Variants in DGKD observed in about 807,000 individuals in gnomAD.
DGKD encodes diacylglycerol kinase delta.
DGKD carries 68 observed loss-of-function variants against 154.4 expected under a neutral mutation model. That is an observed-to-expected ratio of 0.44 (90% CI 0.36 to 0.54). The LOEUF (loss-of-function observed/expected upper bound fraction) is 0.54. DGKD is among the 20% of genes least tolerant of loss of function. DGKD has a pLI of 0.00. For synonymous variants in DGKD, 693 were observed against 638.0 expected, an observed-to-expected ratio of 1.09 and a Z score of -1.30; for missense variants, 1,343 against 1,593.6, an observed-to-expected ratio of 0.84 and a Z score of 2.68.
At position 233,354,590 on chromosome 2, in the gene DGKD, G is replaced by C. The variant is rs980873932; in HGVS notation, c.72G>C (p.Ser24=). 13 of 1,113,442 alleles carry C rather than the reference G, an allele frequency of 1.2e-5. No individual in the cohort carries two copies. Among genetic ancestry groups the C allele is most frequent in the Non-Finnish European group, 1.3e-5 (12 of 895,974 alleles). 69.0% of individuals were successfully genotyped at this position (1,113,442 alleles called of 1,614,324 possible). ...QPPPPPPPEE[S]SDSEPEAEPG... ...CTCCGCCGCCGCCGCCCGAGGAGTC[G>C]TCCGACAGCGAGCCCGAGGCGGAGC... The change falls in exon 1 of 30, where the codon TCG becomes TCC. Residue 24 remains serine, a synonymous_variant. Transcript: ENST00000264057. The surrounding 1 kb of genome is among the most constrained non-coding windows in gnomAD (Gnocchi z 4.8).
intron 3 of DGKD, among the ~76,000 whole-genome samples, chr2:233,430,565 T>C (rs1392339987): frequency 1.3e-5 from 2 of 152,228 alleles, no homozygotes; most frequent in African/African-American, 4.8e-5. Flanking sequence ...CTCTCTCTCT[T>C]TTTTGGTAAA....
At chr2:233,436,714 G>A (rs1009569127) in intron 7 of DGKD, among the ~76,000 whole-genome samples, 4 of 152,268 alleles carry the variant, frequency 2.6e-5, no homozygotes, top group Admixed American at 6.5e-5. Flanking sequence ...CACTGTAGCC[G>A]GGTTGTGAGG....
chr2:233,449,428 G>A lies in DGKD; in HGVS notation c.1888+52G>A. ...CTTTCCTCAGGCCAGCACTGGGCAT[G>A]CCCAGCGTCCCCTGAACACGGAGAT... is the stretch of plus-strand genomic sequence containing the variant. On this transcript the variant is annotated intron_variant, in intron 15 of 29. Coordinates refer to ENST00000264057, the MANE Select transcript of DGKD (RefSeq NM_152879.3). The surrounding 1 kb of genome is among the most constrained non-coding windows in gnomAD (Gnocchi z 5.3). 1 of 1,547,184 alleles carries A rather than the reference G, an allele frequency of 6.5e-7. No individual in the cohort carries two copies.
intron 18 of DGKD, among the ~76,000 whole-genome samples, chr2:233,453,446 G>C (rs1455335745): frequency 6.6e-6 from 1 of 152,154 alleles, no homozygotes; most frequent in Non-Finnish European, 1.5e-5. Flanking sequence ...TCTTCCCCCT[G>C]GTAAACAGTT....
chr2:233,462,650 A>C lies in DGKD; in HGVS notation c.3101A>C (p.Asn1034Thr). The C allele has an allele frequency of 6.2e-7, 1 of 1,614,036 alleles. No homozygotes were observed. The highest frequency in any genetic ancestry group is 8.5e-7 in the Non-Finnish European group (1 of 1,179,956). ...YGKPRTTEGL[N>T]CSFVLEMVNN... The stretch of plus-strand genomic sequence containing the variant: ...TTGCCTGGTTTCTTCTAGGGGCTCA[A>C]CTGCAGCTTCGTCCTGGAAATGGTG... Residue 1034 changes from asparagine (N) to threonine (T), a missense_variant, in exon 26 of 30, where the codon AAC becomes ACC. Asn to Thr is a moderately conservative substitution (Grantham distance 65). Coordinates refer to ENST00000264057, the MANE Select transcript of DGKD (RefSeq NM_152879.3).
At chr2:233,418,399 A>G (rs1219292696) in intron 3 of DGKD, among the ~76,000 whole-genome samples, 1 of 152,206 alleles carries the variant, frequency 6.6e-6, no homozygotes, top group Non-Finnish European at 1.5e-5. Context: ...TAGTTTTCTC[A>G]CAGTTGAACA....
At chr2:233,391,320 A>G (rs1703595561) in intron 3 of DGKD, among the ~76,000 whole-genome samples, 1 of 152,090 alleles carries the variant, frequency 6.6e-6, no homozygotes, top group African/African-American at 2.4e-5. Context: ...CTTACTCTAC[A>G]GTGTTTATCT....
intron 18 of DGKD, among the ~76,000 whole-genome samples, chr2:233,453,302 C>G (rs2063346710): frequency 6.6e-6 from 1 of 152,136 alleles, no homozygotes; most frequent in Non-Finnish European, 1.5e-5. Flanking sequence ...TCCCACTGCC[C>G]CAGCCACTGC....
chr2:233,459,301 G>A lies in DGKD; in HGVS notation c.2695-456G>A, dbSNP rs1448873647. ...GCACTCTGTCTACCCTTAGCTGTAG[G>A]CTGCTTGAAGTTCACAATTTTCACT... On this transcript the variant is annotated intron_variant, in intron 22 of 29. Transcript: ENST00000264057. The surrounding 1 kb of genome is among the most constrained non-coding windows in gnomAD (Gnocchi z 5.7). Among the ~76,000 whole-genome samples, 1 of 152,162 alleles carries A rather than the reference G, an allele frequency of 6.6e-6. No individual in the cohort carries two copies. The highest frequency in any genetic ancestry group is 2.4e-5 in the African/African-American group (1 of 41,454).
intron 1 of DGKD, among the ~76,000 whole-genome samples, chr2:233,375,370 C>T (rs1018345767): frequency 4.6e-5 from 7 of 151,806 alleles, no homozygotes; most frequent in South Asian, 2.1e-4. Flanking sequence ...TAGGTGTTAG[C>T]GTGGCTGGGC....
Position 233,462,336 on chromosome 2 carries a change from C to T in DGKD, c.2982-12C>T, listed in dbSNP as rs374163573. 1.3e-6 allele frequency: 2 copies of T among 1,590,630 alleles called. No individual in the cohort carries two copies. Among genetic ancestry groups the T allele is most frequent in the East Asian group, 2.3e-5 (1 of 44,212 alleles). On this transcript the variant is annotated splice_polypyrimidine_tract_variant and intron_variant, in intron 24 of 29. Transcript: ENST00000264057. ...TGGCCTGACATCTGCCCGTGCTTCT[C>T]TTCCTCTCTAGTATCCGAGAAATAG...
intron 18 of DGKD, chr2:233,454,246 A>T (rs2063382135): frequency 2.6e-6 from 1 of 379,358 alleles, no homozygotes; most frequent in Non-Finnish European, 5.4e-6. Context: ...GCTGATGAGC[A>T]GGTCAATAGA....
intron 26 of DGKD, 24 bp downstream of exon 26, chr2:233,462,759 C>T: frequency 6.2e-7 from 1 of 1,601,828 alleles, no homozygotes; most frequent in Non-Finnish European, 8.5e-7. Flanking sequence ...CCAGGGACAG[C>T]AGGGCTCGGG....
rs1306536739 is a variant in DGKD at position 233,459,026 on chromosome 2, G to A, written c.2694+629G>A. On this transcript the variant is annotated intron_variant, in intron 22 of 29. Transcript: ENST00000264057. The surrounding 1 kb of genome is among the most constrained non-coding windows in gnomAD (Gnocchi z 5.7). Reference sequence around the variant, plus strand: ...CAGCTGTCAAAGCCGCAGTGGGGACGGAGCCCATGGCTCTGATGTGGGGTG... The same window carrying A: ...CAGCTGTCAAAGCCGCAGTGGGGACAGAGCCCATGGCTCTGATGTGGGGTG... Among the ~76,000 whole-genome samples the A allele has an allele frequency of 6.6e-6, 1 of 152,244 alleles. No individual in the cohort carries two copies. The highest frequency in any genetic ancestry group is 2.4e-5 in the African/African-American group (1 of 41,460).
At chr2:233,448,922 G>C (rs766926402) in intron 14 of DGKD, among the ~76,000 whole-genome samples, 181 bp from the exon 15 acceptor site, 1 of 152,208 alleles carries the variant, frequency 6.6e-6, no homozygotes, top group African/African-American at 2.4e-5. Context: ...CTGCCAGGGC[G>C]GGAAAGGTGG....
intron 1 of DGKD, among the ~76,000 whole-genome samples, chr2:233,356,584 TG>T (rs1244599589): frequency 6.6e-6 from 1 of 152,180 alleles, no homozygotes; most frequent in Non-Finnish European, 1.5e-5. Flanking sequence ...AGAATTTTGT[TG>T]GTTAGGAGGT....
chr2:233,391,541 A>G (rs1703619756), intron 3 of DGKD, among the ~76,000 whole-genome samples: 1 of 152,194 alleles, frequency 6.6e-6, no homozygotes, highest in Non-Finnish European at 1.5e-5. Flanking sequence ...GGCTGACTTT[A>G]GCGCCTGCCT....
Position 233,458,724 on chromosome 2 carries a change from G to T in DGKD, c.2694+327G>T, listed in dbSNP as rs930816055. Among the ~76,000 whole-genome samples the T allele has an allele frequency of 6.6e-6, 1 of 150,942 alleles. No individual in the cohort carries two copies. Among genetic ancestry groups the T allele is most frequent in the African/African-American group, 2.4e-5 (1 of 41,028 alleles). On this transcript the variant is annotated intron_variant, in intron 22 of 29. Transcript: ENST00000264057. This position sits in a 1 kb window ranked among gnomAD's most constrained non-coding sequence, Gnocchi z 6.6. ...CCTCCCTGGTTCAAGTGATTCTCCCGCCTCAGCCTTCCGAGTAGCTGGGAC... is the reference window on the plus strand; with the variant it reads ...CCTCCCTGGTTCAAGTGATTCTCCCTCCTCAGCCTTCCGAGTAGCTGGGAC...
chr2:233,391,158 T>G (rs1319571936), intron 3 of DGKD, among the ~76,000 whole-genome samples: 1 of 152,240 alleles, frequency 6.6e-6, no homozygotes, highest in East Asian at 1.9e-4. Flanking sequence ...CAAAAAACAT[T>G]GAATGTTAAT....
Sources: gnomAD v4.1 joint callset for allele counts (sites outside exome capture counted in the v4.1 genomes callset) on GRCh38, gnomAD v4.1.1 for gene constraint, Gnocchi (gnomAD v3.1) non-coding constraint, MANE v1.5 for transcripts, NCBI Gene and HGNC (gene_info 2026-07-23, HGNC 2026-07-21) for gene names.